The following CCSER1 variants were observed in gnomAD, a reference collection of about 807,000 sequenced individuals.
The protein encoded by CCSER1 is serine-rich coiled-coil domain-containing protein 1.
Under a neutral mutation model 82.0 loss-of-function variants are expected in CCSER1, and 41 were observed. The observed-to-expected ratio is 0.50, with a 90% CI of 0.39 to 0.65. The LOEUF (loss-of-function observed/expected upper bound fraction) is 0.65. Among genes scored for constraint, CCSER1 ranks in the 30% least tolerant of loss-of-function variants. The probability of loss-of-function intolerance (pLI) is 0.00; values close to 1 mark genes in which losing one functional copy is unlikely to be tolerated. For synonymous variants in CCSER1, 414 were observed against 383.9 expected (o/e 1.08, Z -0.92); for missense variants, 1,119 against 1,064.2 (o/e 1.05, Z -0.72).
chr4:90,247,101 G>A (rs953081715), intron 1 of CCSER1, among the ~76,000 whole-genome samples: 44 of 152,090 alleles, frequency 2.9e-4, no homozygotes, highest in African/African-American at 1.1e-3. Context: ...ATTCACATGA[G>A]GAACAAAGCA....
At chr4:91,061,734 TAAGC>T (rs1387036175) in intron 9 of CCSER1, among the ~76,000 whole-genome samples, 1 of 152,076 alleles carries the variant, frequency 6.6e-6, no homozygotes, top group African/African-American at 2.4e-5. Flanking sequence ...ATTTGAATAA[TAAGC>T]AAATAAAGTT....
At chr4:90,352,603 A>C (rs1279101227) in intron 3 of CCSER1, among the ~76,000 whole-genome samples, 1 of 152,022 alleles carries the variant, frequency 6.6e-6, no homozygotes, top group African/African-American at 2.4e-5. Context: ...CAAAGGGTGC[A>C]GTGAGCCGAG....
chr4:90,214,928 G>C (rs1312853691), intron 1 of CCSER1, among the ~76,000 whole-genome samples: 1 of 151,978 alleles, frequency 6.6e-6, no homozygotes, highest in Non-Finnish European at 1.5e-5. Flanking sequence ...ATTCCTGTTA[G>C]GTTTTTCAAT....
chr4:90,852,586 G>C (rs984916445), intron 8 of CCSER1, among the ~76,000 whole-genome samples: 2 of 152,138 alleles, frequency 1.3e-5, no homozygotes, highest in African/African-American at 4.8e-5. Flanking sequence ...AACTAGGAAA[G>C]AAAACCTTCA....
At chr4:91,356,849 C>T (rs111638703) in intron 10 of CCSER1, among the ~76,000 whole-genome samples, 3,001 of 152,262 alleles carry the variant, frequency 0.02, 89 homozygotes, top group African/African-American at 0.067. Context: ...CTTCAGGATA[C>T]AGCAGAGAGA....
intron 10 of CCSER1, among the ~76,000 whole-genome samples, chr4:91,576,560 C>T (rs903589123): frequency 1.3e-5 from 2 of 151,764 alleles, no homozygotes; most frequent in South Asian, 2.1e-4. Flanking sequence ...ATCCCTTATC[C>T]GAAATGTTTG....
chr4:91,360,935 T>C (rs932844291), intron 10 of CCSER1, among the ~76,000 whole-genome samples: 3 of 151,790 alleles, frequency 2.0e-5, no homozygotes, highest in Non-Finnish European at 4.4e-5. Flanking sequence ...GGAAGACTGA[T>C]TTAGACAGTG....
At chr4:90,612,937 G>C (rs189418584) in intron 5 of CCSER1, among the ~76,000 whole-genome samples, 1 of 152,062 alleles carries the variant, frequency 6.6e-6, no homozygotes, top group Non-Finnish European at 1.5e-5. Flanking sequence ...AAAGTCACTG[G>C]CCTCTGACTT....
At chr4:90,315,157 C>A (rs1481557329) in intron 3 of CCSER1, among the ~76,000 whole-genome samples, 1 of 152,030 alleles carries the variant, frequency 6.6e-6, no homozygotes, top group Admixed American at 6.6e-5. Context: ...GCCCTCCGAT[C>A]CGCTTTTAAG....
intron 10 of CCSER1, among the ~76,000 whole-genome samples, chr4:91,264,825 G>C (rs936626370): frequency 6.6e-6 from 1 of 151,994 alleles, no homozygotes; most frequent in Middle Eastern, 3.4e-3. Flanking sequence ...GTTTGTGAAA[G>C]AAAAATCTGA....
intron 5 of CCSER1, among the ~76,000 whole-genome samples, chr4:90,606,757 C>T (rs1038146162): frequency 6.6e-6 from 1 of 152,088 alleles, no homozygotes; most frequent in South Asian, 2.1e-4. Flanking sequence ...TAATAATGAT[C>T]AGTGGTATAT....
chr4:91,501,795 A>G (rs914594737), intron 10 of CCSER1, among the ~76,000 whole-genome samples: 7 of 152,200 alleles, frequency 4.6e-5, no homozygotes, highest in African/African-American at 1.7e-4. Context: ...CAATTTGGGC[A>G]TGTCATAAAA....
At chr4:90,502,155 T>C (rs1424989639) in intron 5 of CCSER1, among the ~76,000 whole-genome samples, 2 of 152,092 alleles carry the variant, frequency 1.3e-5, no homozygotes, top group African/African-American at 2.4e-5. Context: ...ACTGGGTAAT[T>C]TATAAAGAAA....
At chr4:90,825,723 TGTTGTTGC>T (rs2149802726) in intron 8 of CCSER1, among the ~76,000 whole-genome samples, 1 of 150,404 alleles carries the variant, frequency 6.6e-6, no homozygotes, top group South Asian at 2.1e-4. Context: ...GTTTTGTTTT[TGTTGTTGC>T]TTTTTTTTTT....
intron 10 of CCSER1, among the ~76,000 whole-genome samples, chr4:91,576,401 C>T (rs1156677375): frequency 6.6e-6 from 1 of 151,892 alleles, no homozygotes; most frequent in Non-Finnish European, 1.5e-5. Flanking sequence ...ACTTGCATTT[C>T]AGGAGCAGGT....
intron 10 of CCSER1, among the ~76,000 whole-genome samples, chr4:91,129,550 A>G (rs1160663557): frequency 6.6e-6 from 1 of 152,050 alleles, no homozygotes; most frequent in African/African-American, 2.4e-5. Flanking sequence ...ATGCAATAAT[A>G]TGTAAGATAT....
chr4:90,931,371 G>C (rs1729792376), intron 9 of CCSER1, among the ~76,000 whole-genome samples: 1 of 149,024 alleles, frequency 6.7e-6, no homozygotes, highest in Non-Finnish European at 1.5e-5. Flanking sequence ...TGATTAAATT[G>C]AATTTATATA....
At chr4:91,477,770 AT>A (rs1757672703) in intron 10 of CCSER1, among the ~76,000 whole-genome samples, 1 of 151,822 alleles carries the variant, frequency 6.6e-6, no homozygotes, top group Non-Finnish European at 1.5e-5. Context: ...ATCAATAAAA[AT>A]TCTTACATTA....
intron 3 of CCSER1, among the ~76,000 whole-genome samples, chr4:90,387,466 T>A (rs1047569599): frequency 1.3e-5 from 2 of 152,198 alleles, no homozygotes; most frequent in Non-Finnish European, 2.9e-5. Context: ...GTAATCTGTG[T>A]CATACCTGAT....
Sources: gnomAD v4.1 joint callset for allele counts (sites outside exome capture counted in the v4.1 genomes callset) on GRCh38, gnomAD v4.1.1 for gene constraint, MANE v1.5 for transcripts, NCBI Gene and HGNC (gene_info 2026-07-23, HGNC 2026-07-21) for gene names.